ALDH2: variants seen among roughly 807,000 people sequenced by gnomAD.
The protein encoded by ALDH2 is aldehyde dehydrogenase, mitochondrial.
In ALDH2, 44 loss-of-function variants were observed where a neutral mutation model predicts 59.6. That is an observed-to-expected ratio of 0.74 (90% CI 0.58 to 0.95). The LOEUF is 0.95. Ranked by LOEUF, ALDH2 falls within the 40% of genes least tolerant of loss-of-function variation. ALDH2 has a pLI of 0.00. For missense variants in ALDH2, 570 were observed against 696.3 expected (o/e 0.82, Z 2.04); for synonymous variants, 291 against 284.0 (o/e 1.02, Z -0.25).
At chr12:111,769,606 C>T (rs923573707) in intron 1 of ALDH2, among the ~76,000 whole-genome samples, 1 of 151,328 alleles carries the variant, frequency 6.6e-6, no homozygotes, top group Non-Finnish European at 1.5e-5. Context: ...GAGATGCAAC[C>T]ACTTATATTC....
rs575860861 is a variant in ALDH2, at chr12:111,797,508, G to A, written c.1084-570G>A. Among the ~76,000 whole-genome samples, 19 of 152,148 alleles carry A rather than the reference G, an allele frequency of 1.2e-4. No individual in the cohort carries two copies. The East Asian group carries it at 3.3e-3, about 26-fold the overall frequency. ...CCCAGCTACTCGGGAGGCTGAGGTG[G>A]GAGGATCATTTGAGCATGAGAGGCA... is the stretch of plus-strand genomic sequence containing the variant. On this transcript the variant is annotated intron_variant, in intron 9 of 12. Coordinates refer to ENST00000261733, the MANE Select transcript of ALDH2 (RefSeq NM_000690.4).
chr12:111,769,269 A>C (rs1184817897), intron 1 of ALDH2, among the ~76,000 whole-genome samples: 2 of 152,140 alleles, frequency 1.3e-5, no homozygotes, highest in Non-Finnish European at 2.9e-5. Flanking sequence ...CTCTCTGGAC[A>C]TGGTCAGTCA....
intron 7 of ALDH2, 120 bp downstream of exon 7, chr12:111,791,539 G>A (rs769457640): frequency 8.5e-5 from 63 of 742,208 alleles, no homozygotes; most frequent in Non-Finnish European, 8.2e-5. Context: ...CCTCCAGGAC[G>A]ACCCTGTAGG....
intron 3 of ALDH2, among the ~76,000 whole-genome samples, chr12:111,783,619 C>T (rs938868349): frequency 6.6e-6 from 1 of 152,218 alleles, no homozygotes; most frequent in Admixed American, 6.5e-5. Flanking sequence ...AAGTGATTCT[C>T]CTGCCTCAGC....
At position 111,792,070 on chromosome 12, in the gene ALDH2, G is replaced by A. The variant is rs754656921; in HGVS notation, c.805G>A (p.Val269Ile). The change falls in exon 8 of 13, where the codon GTA becomes ATA. Residue 269 changes from valine to isoleucine, a missense_variant. By Grantham distance (29) the Val-to-Ile change is conservative. Coordinates refer to ENST00000261733, the MANE Select transcript of ALDH2 (RefSeq NM_000690.4). Reference protein sequence around the residue: ...AFTGSTEIGRVIQVAAGSSNL... With the variant: ...AFTGSTEIGRIIQVAAGSSNL... ...CTTTCTGTCCCCACAGATTGGCCGC[G>A]TAATCCAGGTTGCTGCTGGGAGCAG... The A allele has an allele frequency of 9.3e-6, 15 of 1,610,102 alleles. No individual in the cohort carries two copies. The highest frequency in any genetic ancestry group is 2.2e-5 in the East Asian group (1 of 44,852).
At chr12:111,770,723 T>C (rs186367832) in intron 1 of ALDH2, among the ~76,000 whole-genome samples, 2,372 of 152,202 alleles carry the variant, frequency 0.016, 71 homozygotes, top group African/African-American at 0.054. Flanking sequence ...TGGCTCACTC[T>C]AACCTCCACC....
At chr12:111,771,084 C>T (rs1384650374) in intron 1 of ALDH2, among the ~76,000 whole-genome samples, 1 of 151,994 alleles carries the variant, frequency 6.6e-6, no homozygotes, top group Non-Finnish European at 1.5e-5. Context: ...AAAGAGAGAA[C>T]TGACAGGCAA....
rs924791524 is a variant in ALDH2 at position 111,805,723 on chromosome 12, C to G, written c.1521+1750C>G. Among the ~76,000 whole-genome samples the G allele has an allele frequency of 6.6e-5, 10 of 152,152 alleles. 1 individual carries two copies. Among genetic ancestry groups the G allele is most frequent in the Admixed American group, 2.0e-4 (3 of 15,246 alleles). ...TTAATTTGGCAATGTAGCAAGATACCATCTTATTAAAAACAAAATGGCCGG... is the reference window on the plus strand; with the variant it reads ...TTAATTTGGCAATGTAGCAAGATACGATCTTATTAAAAACAAAATGGCCGG... On this transcript the variant is annotated intron_variant, in intron 12 of 12. Transcript: ENST00000261733.
rs142646023 is a variant in ALDH2 at position 111,783,178 on chromosome 12, G to A, written c.240G>A (p.Val80=). The change falls in exon 3 of 13, where the codon GTG becomes GTA. Residue 80 remains valine (V), a synonymous_variant. Transcript: ENST00000261733. ...EGDKEDVDKA[V]KAARAAFQLG... Reference sequence around the variant, plus strand: ...TCTAGGAAGATGTGGACAAGGCAGTGAAGGCCGCCCGGGCCGCCTTCCAGC... The same window carrying A: ...TCTAGGAAGATGTGGACAAGGCAGTAAAGGCCGCCCGGGCCGCCTTCCAGC... 32 of 1,612,408 alleles carry A rather than the reference G, an allele frequency of 2.0e-5. No individual in the cohort carries two copies. The African/African-American group carries it at 4.3e-4, about 21-fold the overall frequency.
intron 9 of ALDH2, among the ~76,000 whole-genome samples, chr12:111,796,963 T>C (rs1364204848): frequency 1.3e-5 from 2 of 151,224 alleles, no homozygotes. Context: ...AAGCTTTACT[T>C]CTTTTTTTTT....
intron 4 of ALDH2, among the ~76,000 whole-genome samples, chr12:111,786,039 T>TAAAG (rs2068306122): frequency 6.6e-6 from 1 of 152,228 alleles, no homozygotes; most frequent in African/African-American, 2.4e-5. Flanking sequence ...GTCTTCTCTC[T>TAAAG]GTTTCTTAGC....
chr12:111,791,938 C>A (rs1284941548), intron 7 of ALDH2, 123 bp from the exon 8 acceptor site: 3 of 695,390 alleles, frequency 4.3e-6, no homozygotes, highest in Non-Finnish European at 7.7e-6. Context: ...TGGTGAAATT[C>A]TCTAGGTCTC....
At chr12:111,776,813 T>C (rs963149680) in intron 1 of ALDH2, among the ~76,000 whole-genome samples, 4 of 151,894 alleles carry the variant, frequency 2.6e-5, no homozygotes, top group African/African-American at 9.7e-5. Context: ...GCCTGTCGAG[T>C]AGCTGGGATT....
intron 4 of ALDH2, among the ~76,000 whole-genome samples, chr12:111,787,155 G>A (rs1418188437): frequency 2.6e-5 from 4 of 152,044 alleles, no homozygotes; most frequent in Admixed American, 6.6e-5. Flanking sequence ...ACAGTGAGCC[G>A]AGATCGTGCC....
intron 10 of ALDH2, among the ~76,000 whole-genome samples, chr12:111,798,869 C>T (rs1427281453): frequency 6.6e-6 from 1 of 151,802 alleles, no homozygotes; most frequent in African/African-American, 2.4e-5. Context: ...ATTAGCCCTG[C>T]GTGGTGGCGC....
intron 1 of ALDH2, among the ~76,000 whole-genome samples, chr12:111,780,339 A>G (rs902933056): frequency 6.6e-6 from 1 of 152,126 alleles, no homozygotes; most frequent in Non-Finnish European, 1.5e-5. Context: ...GGTCTGAATT[A>G]CATTCTAGAG....
At chr12:111,796,058 C>T (rs904855826) in intron 9 of ALDH2, among the ~76,000 whole-genome samples, 10 of 150,280 alleles carry the variant, frequency 6.7e-5, no homozygotes, top group East Asian at 3.9e-4. Flanking sequence ...CCCAGGATTT[C>T]GAGATCAGCC....
intron 2 of ALDH2, 56 bp downstream of exon 2, chr12:111,782,078 G>C (rs1022850698): frequency 2.2e-6 from 3 of 1,378,020 alleles, no homozygotes; most frequent in Non-Finnish European, 3.1e-6. Context: ...TATTTTATAC[G>C]TTTTTGTGTG....
In ALDH2 at chr12:111,767,029, T is replaced by G. The variant is rs916384497; in HGVS notation, c.47T>G (p.Leu16Arg). 4.6e-6 allele frequency: 7 copies of G among 1,525,990 alleles called. No homozygotes were observed. The highest frequency in any genetic ancestry group is 1.8e-4 in the Middle Eastern group (1 of 5,620). 94.5% of individuals were successfully genotyped at this position (1,525,990 alleles called of 1,614,324 possible). ...TTCGGGCCCCGCCTGGGCCGCCGCC[T>G]CTTGTCAGCCGCCGCCACCCAGGCC... The part of the protein sequence containing the change: ...ARFGPRLGRR[L>R]LSAAATQAVP... Residue 16 changes from leucine (L) to arginine (R), a missense_variant, in exon 1 of 13, where the codon CTC becomes CGC. Leu to Arg is a moderately radical substitution (Grantham distance 102). Coordinates refer to ENST00000261733, the MANE Select transcript of ALDH2 (RefSeq NM_000690.4).
Sources: gnomAD v4.1 joint callset for allele counts (sites outside exome capture counted in the v4.1 genomes callset) on GRCh38, gnomAD v4.1.1 for gene constraint, MANE v1.5 for transcripts, NCBI Gene and HGNC (gene_info 2026-07-23, HGNC 2026-07-21) for gene names.